The following GSE1 variants were observed in gnomAD, a reference collection of about 807,000 sequenced individuals.
The protein encoded by GSE1 is genetic suppressor element 1.
GSE1 carries 32 observed loss-of-function variants against 112.6 expected under a neutral mutation model. The observed-to-expected ratio is 0.28, with a 90% confidence interval of 0.21 to 0.38. The LOEUF is 0.38. GSE1 is among the 10% of genes least tolerant of loss of function. The probability of loss-of-function intolerance (pLI) is 1.00; values close to 1 mark genes in which losing one functional copy is unlikely to be tolerated. For missense variants in GSE1, 2,348 were observed against 1,699.2 expected (o/e 1.38, Z -6.71); for synonymous variants, 1,115 against 735.6 (o/e 1.52, Z -8.35).
chr16:85,185,396 T>C (rs928229361), intron 1 of GSE1: 2 of 152,370 alleles, frequency 1.3e-5, no homozygotes, highest in Non-Finnish European at 2.9e-5. Flanking sequence ...GGTTTCATGA[T>C]TGCCAGGTGG....
intron 1 of GSE1, among the ~76,000 whole-genome samples, chr16:85,572,302 CACCACAT>C (rs1049884076): frequency 1.4e-5 from 2 of 142,838 alleles, no homozygotes; most frequent in African/African-American, 5.6e-5. Flanking sequence ...ACACAACACA[CACCACAT>C]ACCACACAAC....
intron 1 of GSE1, among the ~76,000 whole-genome samples, chr16:85,223,540 A>G (rs1028380956): frequency 2.6e-5 from 4 of 151,992 alleles, no homozygotes; most frequent in Admixed American, 1.3e-4. Flanking sequence ...AACAACAAAA[A>G]AATTGTGGTA....
chr16:85,587,031 G>C (rs1361617185), intron 1 of GSE1, among the ~76,000 whole-genome samples: 1 of 152,220 alleles, frequency 6.6e-6, no homozygotes, highest in Non-Finnish European at 1.5e-5. Context: ...ACCCCTCTAA[G>C]ATGCAGAATT....
chr16:85,649,308 G>C lies in GSE1; in HGVS notation c.426+557G>C, dbSNP rs374652675. On this transcript the variant is annotated intron_variant, in intron 3 of 15. Transcript: ENST00000253458. ...GGGCGGGGGTGGCAGTCCAGTTCAA[G>C]CTGTGAAAGTGGTGTTTGCACGCTG... 4.6e-5 allele frequency among the ~76,000 whole-genome samples: 7 copies of C among 152,316 alleles called. No individual in the cohort carries two copies. The South Asian group carries it at 1.4e-3, about 32-fold the overall frequency.
intron 1 of GSE1, among the ~76,000 whole-genome samples, chr16:85,270,660 G>A (rs1047467120): frequency 4.0e-5 from 6 of 148,834 alleles, no homozygotes; most frequent in South Asian, 2.1e-4. Flanking sequence ...TCCTGCGTGC[G>A]GCCTTGAAGG....
chr16:85,451,159 G>A (rs1567497585), intron 2 of GSE1, among the ~76,000 whole-genome samples: 1 of 150,762 alleles, frequency 6.6e-6, no homozygotes, highest in Non-Finnish European at 1.5e-5. Context: ...GAGCGTACCA[G>A]TTGGTGAATT....
At chr16:85,383,208 C>A (rs1348032941) in intron 2 of GSE1, among the ~76,000 whole-genome samples, 2 of 151,884 alleles carry the variant, frequency 1.3e-5, no homozygotes, top group Non-Finnish European at 2.9e-5. Flanking sequence ...CCACACACAG[C>A]CCTCTGTACA....
intron 2 of GSE1, among the ~76,000 whole-genome samples, chr16:85,470,733 G>A (rs924980416): frequency 1.3e-5 from 2 of 152,010 alleles, no homozygotes; most frequent in Admixed American, 1.3e-4. Flanking sequence ...GCCAGCCCCC[G>A]CCCCCTGCCC....
intron 1 of GSE1, among the ~76,000 whole-genome samples, chr16:85,198,120 CTA>C (rs1171825971): frequency 1.3e-5 from 2 of 152,102 alleles, no homozygotes; most frequent in African/African-American, 4.8e-5. Context: ...GAGTCAGCCT[CTA>C]TGTGGGTGGC....
rs778795789 is a variant in GSE1, at chr16:85,657,614, C to T, written c.1640+10C>T. 9 of 1,495,882 alleles carry T rather than the reference C, an allele frequency of 6.0e-6. No homozygotes were observed. The Admixed American group carries it at 1.4e-4, about 23-fold the overall frequency. The allele number at this position is 1,495,882 out of a possible 1,614,324, so 92.7% of individuals were successfully genotyped here. On this transcript the variant is annotated intron_variant, in intron 8 of 15. Coordinates refer to ENST00000253458, the MANE Select transcript of GSE1 (RefSeq NM_014615.5). ...CGGAGAGCACCACCAGGTGAGTGAG[C>T]CCCAGGAAGGAAGGAGGGATGAGCC... is the stretch of plus-strand genomic sequence containing the variant.
Position 85,661,758 on chromosome 16 carries a change from G to A in GSE1, c.2253G>A (p.Gln751=). ...DLEERRRREA[Q]EKGYYYDLDD... ...AGGAGCGCAGGCGGCGGGAGGCCCA[G>A]GAGAAAGGTCTGCCTCCCCGCGGGC... The change falls in exon 9 of 16, where the codon CAG becomes CAA. Residue 751 remains glutamine, a synonymous_variant. Coordinates refer to ENST00000253458, the MANE Select transcript of GSE1 (RefSeq NM_014615.5). The A allele has an allele frequency of 6.6e-7, 1 of 1,525,328 alleles. No homozygotes were observed. Among genetic ancestry groups the A allele is most frequent in the South Asian group, 1.2e-5 (1 of 80,814 alleles). 94.5% of individuals were successfully genotyped at this position (1,525,328 alleles called of 1,614,324 possible). A position where few individuals can be genotyped will look rare whatever the true frequency, so the allele number is the denominator to read the frequency against.
intron 2 of GSE1, among the ~76,000 whole-genome samples, chr16:85,408,225 C>G (rs878941023): frequency 1.0e-3 from 7 of 6,746 alleles, no homozygotes; most frequent in Admixed American, 1.2e-3. Flanking sequence ...TACTCTCAGG[C>G]CCCCCTGGAT....
chr16:85,641,655 G>C (rs1163592468), intron 2 of GSE1, among the ~76,000 whole-genome samples: 2 of 152,384 alleles, frequency 1.3e-5, no homozygotes, highest in South Asian at 4.1e-4. Flanking sequence ...GCCTGTTCTT[G>C]TCACTTGTGC....
At chr16:85,558,690 G>A (rs1276026285) in intron 1 of GSE1, among the ~76,000 whole-genome samples, 2 of 152,164 alleles carry the variant, frequency 1.3e-5, no homozygotes, top group East Asian at 1.9e-4. Flanking sequence ...GGCTTTCCCC[G>A]CATTATAGTT....
intron 2 of GSE1, among the ~76,000 whole-genome samples, chr16:85,445,053 G>C (rs1170223163): frequency 6.6e-6 from 1 of 152,250 alleles, no homozygotes; most frequent in Non-Finnish European, 1.5e-5. Context: ...AGCGGGGGCT[G>C]TCTTTTCTGC....
At chr16:85,617,486 CT>C (rs2048442432) in intron 1 of GSE1, among the ~76,000 whole-genome samples, 1 of 151,694 alleles carries the variant, frequency 6.6e-6, no homozygotes. Flanking sequence ...CCTGGCTGCA[CT>C]TTTGAATCAC....
Position 85,635,517 on chromosome 16 carries a change from G to A in GSE1, c.226+1385G>A, listed in dbSNP as rs141697016. Among the ~76,000 whole-genome samples, 781 of 152,282 alleles carry A rather than the reference G, an allele frequency of 5.1e-3. 5 individuals carry two copies. The highest frequency in any genetic ancestry group is 0.015 in the African/African-American group (642 of 41,544). On this transcript the variant is annotated intron_variant, in intron 2 of 15. Transcript: ENST00000253458. ...GGAGGCATCCTGGACTCTCTGGGGCGGTGAACAAGGCAGCTGGGGACAGAC... is the reference window on the plus strand; with the variant it reads ...GGAGGCATCCTGGACTCTCTGGGGCAGTGAACAAGGCAGCTGGGGACAGAC...
intron 1 of GSE1, among the ~76,000 whole-genome samples, chr16:85,327,331 G>A (rs1304192870): frequency 5.9e-5 from 9 of 152,202 alleles, no homozygotes; most frequent in Non-Finnish European, 1.2e-4. Flanking sequence ...GGCCGGATGC[G>A]GTGGCTCACA....
chr16:85,342,763 G>A (rs1169393052), intron 1 of GSE1, among the ~76,000 whole-genome samples: 1 of 152,072 alleles, frequency 6.6e-6, no homozygotes, highest in Non-Finnish European at 1.5e-5. Flanking sequence ...CCCAGCCCGG[G>A]ACATCAGAGG....
Sources: gnomAD v4.1 joint callset for allele counts (sites outside exome capture counted in the v4.1 genomes callset) on GRCh38, gnomAD v4.1.1 for gene constraint, MANE v1.5 for transcripts, NCBI Gene and HGNC (gene_info 2026-07-23, HGNC 2026-07-21) for gene names.